CCDC144A: variants seen among roughly 807,000 people sequenced by gnomAD.
CCDC144A encodes coiled-coil domain containing 144A.
In CCDC144A, 41 loss-of-function variants were observed where a neutral mutation model predicts 143.8. The observed-to-expected ratio is 0.29, with a 90% confidence interval of 0.22 to 0.37. The LOEUF is 0.37. Among genes scored for constraint, CCDC144A ranks in the 10% least tolerant of loss-of-function variants. CCDC144A has a pLI of 1.00. For missense variants in CCDC144A, 637 were observed against 1,488.8 expected, an observed-to-expected ratio of 0.43 and a Z score of 9.41; for synonymous variants, 242 against 517.9, an observed-to-expected ratio of 0.47 and a Z score of 7.23.
At chr17:16,737,462 G>A (rs112451029) in intron 12 of CCDC144A, 326,403 of 1,263,758 alleles carry the variant, frequency 0.26, 43,944 homozygotes, top group Non-Finnish European at 0.28. Context: ...CACCGCGCCC[G>A]GCCAGAGTTA....
At chr17:16,697,273 C>G (rs1466545298) in intron 2 of CCDC144A, among the ~76,000 whole-genome samples, 1 of 152,100 alleles carries the variant, frequency 6.6e-6, no homozygotes, top group Non-Finnish European at 1.5e-5. Context: ...ATTTTCTGTA[C>G]AGGGCTTTTT....
intron 12 of CCDC144A, among the ~76,000 whole-genome samples, chr17:16,756,532 A>G (rs1465358653): frequency 4.0e-5 from 6 of 148,620 alleles, no homozygotes. Flanking sequence ...ATTCATTTGT[A>G]TTACCTATCT....
intron 11 of CCDC144A, among the ~76,000 whole-genome samples, chr17:16,733,875 C>T (rs1913869916): frequency 2.0e-5 from 3 of 152,180 alleles, no homozygotes; most frequent in South Asian, 2.1e-4. Context: ...CAGTGGCTCA[C>T]GCCTGTAATC....
chr17:16,754,264 C>G (rs772141253), intron 12 of CCDC144A, among the ~76,000 whole-genome samples: 34 of 152,106 alleles, frequency 2.2e-4, no homozygotes, highest in Admixed American at 1.4e-3. Context: ...TCAGTTCTGC[C>G]CTGCCTTTAT....
intron 2 of CCDC144A, among the ~76,000 whole-genome samples, chr17:16,699,340 C>T (rs1192739100): frequency 6.7e-6 from 1 of 149,498 alleles, no homozygotes; most frequent in Non-Finnish European, 1.5e-5. Flanking sequence ...TTGATCCTTA[C>T]TGATCAGTTC....
At chr17:16,750,745 G>GT (rs933864379) in intron 12 of CCDC144A, among the ~76,000 whole-genome samples, 1 of 151,780 alleles carries the variant, frequency 6.6e-6, no homozygotes, top group Non-Finnish European at 1.5e-5. Context: ...TTTTAAAATG[G>GT]TTTTTTCTTT....
the CCDC144A span, among the ~76,000 whole-genome samples, chr17:16,674,637 G>T: frequency 6.6e-6 from 1 of 151,816 alleles, no homozygotes; most frequent in Non-Finnish European, 1.5e-5. Context: ...ACCAAAGAAA[G>T]AAAATGTTTC....
At chr17:16,743,159 C>T (rs556339160) in intron 12 of CCDC144A, among the ~76,000 whole-genome samples, 2 of 152,030 alleles carry the variant, frequency 1.3e-5, no homozygotes, top group Admixed American at 6.6e-5. Context: ...AAAATCTTTG[C>T]CTTGACCAAT....
At chr17:16,755,803 C>G (rs181122293) in intron 12 of CCDC144A, among the ~76,000 whole-genome samples, 1 of 152,186 alleles carries the variant, frequency 6.6e-6, no homozygotes, top group African/African-American at 2.4e-5. Context: ...TCAAGCAATC[C>G]CCCCACCTTG....
chr17:16,682,714 T>C, the CCDC144A span, among the ~76,000 whole-genome samples: 1 of 152,088 alleles, frequency 6.6e-6, no homozygotes, highest in African/African-American at 2.4e-5. Context: ...CTGTGTCAAA[T>C]GCTGCTGATA....
At chr17:16,765,756 A>G (rs1412570053) in intron 15 of CCDC144A, 32 of 152,126 alleles carry the variant, frequency 2.1e-4, no homozygotes, top group Non-Finnish European at 1.2e-4. Context: ...ATTTTTAATC[A>G]TATTGTTCGC....
chr17:16,678,411 G>C, the CCDC144A span, among the ~76,000 whole-genome samples: 1 of 152,014 alleles, frequency 6.6e-6, no homozygotes, highest in Non-Finnish European at 1.5e-5. Context: ...AGAGTTGTGA[G>C]ATGTTTGGTT....
In CCDC144A at chr17:16,696,495, G is replaced by A. The variant is rs542160875; in HGVS notation, c.415+3446G>A. ...AATACACATGAAAAATTAGCTGGAC[G>A]TGGTGGAGCATGCCTATGGTTCCAG... On this transcript the variant is annotated intron_variant, in intron 2 of 16. Transcript: ENST00000399273. Among the ~76,000 whole-genome samples the A allele has an allele frequency of 1.6e-3, 246 of 150,576 alleles. 3 individuals are homozygous for A. The highest frequency in any genetic ancestry group is 4.6e-3 in the African/African-American group (188 of 41,126).
At chr17:16,683,802 C>G in the CCDC144A span, 46 of 1,447,444 alleles carry the variant, frequency 3.2e-5, 2 homozygotes, top group South Asian at 5.0e-4. Context: ...AGCGTGAAGC[C>G]GAGCGTGAAG....
chr17:16,720,137 G>A (rs1447364515), intron 6 of CCDC144A, 61 bp from the exon 7 acceptor site: 17 of 1,468,176 alleles, frequency 1.2e-5, no homozygotes, highest in Non-Finnish European at 1.5e-5. Flanking sequence ...AGTAGTGTTA[G>A]ATATTCTTTG....
chr17:16,690,637 A>T lies in CCDC144A; in HGVS notation c.237A>T (p.Glu79Asp). The T allele has an allele frequency of 6.2e-7, 1 of 1,613,812 alleles. No homozygotes were observed. Among genetic ancestry groups the T allele is most frequent in the Non-Finnish European group, 8.5e-7 (1 of 1,179,852 alleles). Residue 79 changes from glutamate to aspartate, a missense_variant, in exon 1 of 17, where the codon GAA (glutamate) becomes GAT (aspartate). Physicochemically the swap from Glu to Asp is conservative, Grantham distance 45. Coordinates refer to ENST00000399273, the MANE Select transcript of CCDC144A (RefSeq NM_001382000.1). ...AGCCCCAGCACGACGTCCGCCTGGAAGATCTTGGCGAGCTCCACAGAGCTG... is the reference window on the plus strand; with the variant it reads ...AGCCCCAGCACGACGTCCGCCTGGATGATCTTGGCGAGCTCCACAGAGCTG... ...LDQPQHDVRL[E>D]DLGELHRAAR...
chr17:16,678,685 A>G, the CCDC144A span, among the ~76,000 whole-genome samples: 6 of 145,946 alleles, frequency 4.1e-5, no homozygotes, highest in Non-Finnish European at 6.0e-5. Flanking sequence ...GGCTGTGGCA[A>G]TCGTGCCATC....
intron 12 of CCDC144A, among the ~76,000 whole-genome samples, chr17:16,757,084 TG>T (rs1915125202): frequency 1.3e-5 from 2 of 152,398 alleles, no homozygotes; most frequent in African/African-American, 4.8e-5. Flanking sequence ...GTGGGTTACC[TG>T]AGTGGTCTGG....
chr17:16,742,136 C>T (rs572260741), intron 12 of CCDC144A, among the ~76,000 whole-genome samples: 2 of 151,990 alleles, frequency 1.3e-5, no homozygotes, highest in South Asian at 4.2e-4. Flanking sequence ...TACAATGCAA[C>T]AGAACACTAG....
Sources: gnomAD v4.1 joint callset for allele counts (sites outside exome capture counted in the v4.1 genomes callset) on GRCh38, gnomAD v4.1.1 for gene constraint, MANE v1.5 for transcripts, NCBI Gene and HGNC (gene_info 2026-07-23, HGNC 2026-07-21) for gene names.